The following SRGAP3 variants were observed in gnomAD, a reference collection of about 807,000 sequenced individuals.
SRGAP3 encodes the protein SLIT-ROBO Rho GTPase activating protein 3.
In SRGAP3, 39 loss-of-function variants were observed where a neutral mutation model predicts 121.1. The observed-to-expected ratio is 0.32, with a 90% CI of 0.25 to 0.42. The LOEUF (loss-of-function observed/expected upper bound fraction) is 0.42, where lower values mean the gene tolerates loss of function less well. Among genes scored for constraint, SRGAP3 ranks in the 10% least tolerant of loss-of-function variants. The probability of loss-of-function intolerance (pLI) is 1.00; values close to 1 mark genes in which losing one functional copy is unlikely to be tolerated. For missense variants in SRGAP3, 1,213 were observed against 1,470.6 expected (o/e 0.82, Z 2.86); for synonymous variants, 601 against 570.0 (o/e 1.05, Z -0.77).
intron 3 of SRGAP3, among the ~76,000 whole-genome samples, chr3:9,270,366 C>A (rs758364058): frequency 6.6e-6 from 1 of 152,042 alleles, no homozygotes; most frequent in Non-Finnish European, 1.5e-5. Flanking sequence ...CAAAAACAGA[C>A]AACACTAATC....
intron 1 of SRGAP3, among the ~76,000 whole-genome samples, chr3:9,183,316 C>T (rs1951487175): frequency 6.6e-6 from 1 of 152,196 alleles, no homozygotes; most frequent in African/African-American, 2.4e-5. Flanking sequence ...CTGAGTCTCA[C>T]ATCCCTCTCC....
At chr3:9,308,518 A>T (rs941752215) in intron 3 of SRGAP3, among the ~76,000 whole-genome samples, 1 of 152,214 alleles carries the variant, frequency 6.6e-6, no homozygotes. Context: ...AGCAATTATC[A>T]CTGAGGGCCC....
intron 3 of SRGAP3, among the ~76,000 whole-genome samples, chr3:9,307,950 T>C (rs550853076): frequency 6.6e-6 from 1 of 152,006 alleles, no homozygotes; most frequent in Non-Finnish European, 1.5e-5. Flanking sequence ...AGGTCAGGAG[T>C]TCGAGACAAG....
intron 2 of SRGAP3, among the ~76,000 whole-genome samples, chr3:9,117,253 G>A (rs2124954908): frequency 6.6e-6 from 1 of 152,312 alleles, no homozygotes; most frequent in Non-Finnish European, 1.5e-5. Context: ...TGCTACAAAA[G>A]TGATTCTCTG....
chr3:9,278,758 A>C (rs756960079), intron 3 of SRGAP3, among the ~76,000 whole-genome samples: 34 of 152,346 alleles, frequency 2.2e-4, no homozygotes, highest in South Asian at 6.2e-4. Context: ...GGGATGTACC[A>C]GACTCTTTCA....
chr3:9,265,925 A>G (rs878890943), intron 3 of SRGAP3, among the ~76,000 whole-genome samples: 3 of 152,230 alleles, frequency 2.0e-5, no homozygotes, highest in Admixed American at 2.0e-4. Context: ...ATGCACACGT[A>G]TATTTATTGA....
chr3:9,204,792 G>T (rs1029693282), intron 1 of SRGAP3, among the ~76,000 whole-genome samples: 12 of 152,222 alleles, frequency 7.9e-5, no homozygotes, highest in African/African-American at 2.4e-4. Flanking sequence ...TAGGAGTTAG[G>T]CTTTGAAATG....
intron 3 of SRGAP3, among the ~76,000 whole-genome samples, chr3:9,091,195 C>A (rs1019274482): frequency 6.6e-6 from 1 of 152,108 alleles, no homozygotes; most frequent in Non-Finnish European, 1.5e-5. Context: ...TTTGTTAACT[C>A]TCAGTTATCC....
At chr3:9,296,676 T>A (rs1178039924) in intron 3 of SRGAP3, among the ~76,000 whole-genome samples, 1 of 152,200 alleles carries the variant, frequency 6.6e-6, no homozygotes, top group African/African-American at 2.4e-5. Flanking sequence ...TTTGGGCAGG[T>A]TAACTCACCA....
At chr3:9,167,052 A>G (rs956890211) in intron 1 of SRGAP3, among the ~76,000 whole-genome samples, 1 of 152,198 alleles carries the variant, frequency 6.6e-6, no homozygotes, top group Non-Finnish European at 1.5e-5. Context: ...GGAGACCCCT[A>G]GTCCTCGGGC....
upstream of SRGAP3, among the ~76,000 whole-genome samples, chr3:9,254,082 T>C (rs1293547659): frequency 6.6e-6 from 1 of 152,208 alleles, no homozygotes; most frequent in African/African-American, 2.4e-5. Context: ...GAAACAATAG[T>C]TGCAACACCT....
intron 3 of SRGAP3, among the ~76,000 whole-genome samples, chr3:9,101,056 T>TC (rs1948196310): frequency 6.6e-6 from 1 of 152,192 alleles, no homozygotes; most frequent in South Asian, 2.1e-4. Flanking sequence ...CTAGGGATGA[T>TC]CAGGACCTGT....
At chr3:9,106,405 C>T (rs1019978503) in intron 2 of SRGAP3, among the ~76,000 whole-genome samples, 2 of 152,192 alleles carry the variant, frequency 1.3e-5, no homozygotes, top group Admixed American at 6.5e-5. Context: ...TTGTCCCACC[C>T]CTGTCCTGAG....
intron 3 of SRGAP3, among the ~76,000 whole-genome samples, chr3:9,313,853 G>A (rs1367699344): frequency 2.0e-5 from 3 of 151,994 alleles, no homozygotes; most frequent in Non-Finnish European, 2.9e-5. Flanking sequence ...AATTAGCCGG[G>A]TGTGGTGGCA....
At position 9,026,975 on chromosome 3, in the gene SRGAP3, C is replaced by A. The variant is rs149562515; in HGVS notation, c.1560G>T (p.Pro520=). 1.7e-4 allele frequency: 282 copies of A among 1,614,186 alleles called. No homozygotes were observed. Among genetic ancestry groups the A allele is most frequent in the Non-Finnish European group, 2.3e-4 (269 of 1,180,034 alleles). Residue 520 remains proline, a synonymous_variant, in exon 13 of 22, where the codon CCG becomes CCT. Coordinates refer to ENST00000383836, the MANE Select transcript of SRGAP3 (RefSeq NM_014850.4). ...AACGGATGCAGCTCTCGACTACAAGCGGTATAGCTTGTCCTGAATCCTTGA... is the reference window on the plus strand; with the variant it reads ...AACGGATGCAGCTCTCGACTACAAGAGGTATAGCTTGTCCTGAATCCTTGA... ...AFIKDSGQAI[P]LVVESCIRYI...
chr3:9,222,438 T>G (rs2016998), intron 1 of SRGAP3, among the ~76,000 whole-genome samples: 49,711 of 152,082 alleles, frequency 0.33, 8,595 homozygotes, highest in East Asian at 0.7. Flanking sequence ...CAAGACACCC[T>G]GCATCTTTAT....
At chr3:8,997,078 C>G (rs746733579) in intron 18 of SRGAP3, among the ~76,000 whole-genome samples, 1 of 152,162 alleles carries the variant, frequency 6.6e-6, no homozygotes, top group African/African-American at 2.4e-5. Flanking sequence ...TTGCAGACGT[C>G]GTTACATAAG....
chr3:9,110,972 C>T (rs1575088866), intron 2 of SRGAP3, among the ~76,000 whole-genome samples: 1 of 152,240 alleles, frequency 6.6e-6, no homozygotes, highest in African/African-American at 2.4e-5. Flanking sequence ...GGGCAGGCCA[C>T]CTATTCCCTG....
At chr3:9,325,245 A>G (rs1239364344) in intron 3 of SRGAP3, among the ~76,000 whole-genome samples, 3 of 151,832 alleles carry the variant, frequency 2.0e-5, no homozygotes, top group Non-Finnish European at 2.9e-5. Context: ...CGGGAGGATA[A>G]TACCAAGAGT....
Sources: allele counts gnomAD v4.1 joint callset (sites outside exome capture counted in the v4.1 genomes callset), GRCh38; gene constraint gnomAD v4.1.1; transcripts MANE v1.5; gene names NCBI Gene and HGNC (gene_info 2026-07-23, HGNC 2026-07-21).